The following POLR2F variants were observed in gnomAD, a reference collection of about 807,000 sequenced individuals.
POLR2F encodes DNA-directed RNA polymerases I, II, and III subunit RPABC2.
POLR2F carries 12 observed loss-of-function variants against 22.7 expected under a neutral mutation model. The observed-to-expected ratio is 0.53, with a 90% CI of 0.34 to 0.86. POLR2F has a LOEUF of 0.86. Among genes scored for constraint, POLR2F ranks in the 40% least tolerant of loss-of-function variants. POLR2F has a pLI of 0.02. For synonymous variants in POLR2F, 57 were observed against 66.0 expected, an observed-to-expected ratio of 0.86 and a Z score of 0.66; for missense variants, 126 against 171.5, an observed-to-expected ratio of 0.73 and a Z score of 1.48.
downstream of POLR2F, among the ~76,000 whole-genome samples, chr22:38,027,151 C>T (rs1307680649): frequency 1.3e-5 from 2 of 152,114 alleles, no homozygotes; most frequent in Non-Finnish European, 1.5e-5. Context: ...TCAGGTGACT[C>T]GTTAGCGTAT....
At chr22:37,987,230 A>G (rs149871701) in intron 1 of POLR2F, 18 of 456,676 alleles carry the variant, frequency 3.9e-5, no homozygotes, top group East Asian at 2.8e-4. Flanking sequence ...CCATGGCCCA[A>G]GGAGGCCTTT....
intron 1 of POLR2F, among the ~76,000 whole-genome samples, chr22:38,020,204 T>TACACACACAC (rs1336670749): frequency 7.7e-5 from 7 of 90,972 alleles, no homozygotes; most frequent in African/African-American, 2.0e-4. Context: ...CACACACATA[T>TACACACACAC]ATACACACAC....
At chr22:37,983,629 G>A, upstream of POLR2F, 1 of 1,603,476 alleles carries the variant, frequency 6.2e-7, no homozygotes. The surrounding 1 kb of genome is among the most constrained non-coding windows in gnomAD (Gnocchi z 9.5). Context: ...TCTTGACCTT[G>A]CCCAGCTCGC....
chr22:38,019,380 C>T (rs2084941225), intron 1 of POLR2F, among the ~76,000 whole-genome samples: 1 of 152,164 alleles, frequency 6.6e-6, no homozygotes, highest in Non-Finnish European at 1.5e-5. Context: ...GTGACTACTG[C>T]CCAGCAGCTG....
chr22:38,022,235 T>G (rs962757507), intron 1 of POLR2F, among the ~76,000 whole-genome samples: 4 of 151,970 alleles, frequency 2.6e-5, no homozygotes, highest in African/African-American at 7.3e-5. Context: ...GAGTTTTGGA[T>G]AGTGGAGTAT....
At chr22:38,033,698 G>C (rs950080206) in intron 5 of POLR2F, among the ~76,000 whole-genome samples, 3 of 152,240 alleles carry the variant, frequency 2.0e-5, no homozygotes, top group Admixed American at 1.3e-4. Flanking sequence ...TTCCTCAGTT[G>C]TTTTCCAAGA....
intron 1 of POLR2F, among the ~76,000 whole-genome samples, chr22:37,999,458 T>C (rs2084749021): frequency 6.6e-6 from 1 of 152,088 alleles, no homozygotes; most frequent in African/African-American, 2.4e-5. Flanking sequence ...GACATCCGAA[T>C]GTCATACCCT....
In POLR2F at chr22:37,999,263, C is replaced by T. The variant is rs550100077; in HGVS notation, c.120+12951C>T. ...TCTGTCCCAGGATCCAGGAGCCCCA[C>T]TTGCCTGGCTCCAGGCCCAGTTCAG... On this transcript the variant is annotated intron_variant, in intron 1 of 2. Coordinates refer to the POLR2F transcript ENST00000333418. Among the ~76,000 whole-genome samples, 11 of 152,288 alleles carry T rather than the reference C, an allele frequency of 7.2e-5. 1 individual carries two copies. The South Asian group carries it at 2.3e-3, about 32-fold the overall frequency.
At chr22:37,972,056 G>A (rs1233501379), downstream of POLR2F, among the ~76,000 whole-genome samples, 2 of 145,184 alleles carry the variant, frequency 1.4e-5, no homozygotes, top group Non-Finnish European at 3.0e-5. Context: ...GAGGAGAGTG[G>A]GAGGGGGGAG....
chr22:37,987,599 C>A (rs565072793), intron 1 of POLR2F: 3 of 336,088 alleles, frequency 8.9e-6, no homozygotes, highest in Non-Finnish European at 1.8e-5. Context: ...GGCTGCAGAA[C>A]CAGGGGCCAT....
downstream of POLR2F, among the ~76,000 whole-genome samples, chr22:38,029,250 G>A (rs2085043702): frequency 6.6e-6 from 1 of 152,226 alleles, no homozygotes; most frequent in Non-Finnish European, 1.5e-5. Context: ...CTTTGGAAAT[G>A]ACCCCGTCTA....
chr22:38,005,406 G>A (rs188478853), intron 1 of POLR2F, among the ~76,000 whole-genome samples: 3 of 152,350 alleles, frequency 2.0e-5, no homozygotes, highest in African/African-American at 7.2e-5. Context: ...TTACAGGCAT[G>A]TGAGCCACCT....
At chr22:37,965,219 C>T (rs1931807735) in intron 3 of POLR2F, among the ~76,000 whole-genome samples, 1 of 152,120 alleles carries the variant, frequency 6.6e-6, no homozygotes, top group Admixed American at 6.6e-5. Flanking sequence ...GTTGGCCAGG[C>T]TGGTCTCAAA....
At position 37,956,090 on chromosome 22, in the gene POLR2F, T is replaced by TG. The variant is rs1156774078; in HGVS notation, c.21-681dup. ...TTTTTGTTTGTTTTTTGTTTTGCGGTGGCGGGGGGGGGTTTTGAGACGGAG... is the reference window on the plus strand; with the variant it reads ...TTTTTGTTTGTTTTTTGTTTTGCGGTGGGCGGGGGGGGGTTTTGAGACGGAG... On this transcript the variant is annotated intron_variant, in intron 1 of 4. Coordinates refer to ENST00000442738, the MANE Select transcript of POLR2F (RefSeq NM_021974.5). Among the ~76,000 whole-genome samples the TG allele has an allele frequency of 5.9e-3, 879 of 148,776 alleles. 10 individuals carry two copies. Among genetic ancestry groups the TG allele is most frequent in the African/African-American group, 0.021 (822 of 38,712 alleles).
rs534103571 is a variant in POLR2F, at chr22:37,978,331, A to G, written c.293+11161A>G. ...AGAGATGTGAGGCCCAAGGAATAACAGCCTCAGAGGGCTGCCCCCAAATCT... is the reference window on the plus strand; with the variant it reads ...AGAGATGTGAGGCCCAAGGAATAACGGCCTCAGAGGGCTGCCCCCAAATCT... On this transcript the variant is annotated intron_variant, in intron 4 of 4. Transcript: ENST00000405557. This position sits in a 1 kb window ranked among gnomAD's most constrained non-coding sequence, Gnocchi z 5.0. Among the ~76,000 whole-genome samples, 1 of 152,348 alleles carries G rather than the reference A, an allele frequency of 6.6e-6. No homozygotes were observed. The highest frequency in any genetic ancestry group is 6.5e-5 in the Admixed American group (1 of 15,306).
At chr22:37,957,329 A>G (rs1036334623) in intron 2 of POLR2F, among the ~76,000 whole-genome samples, 3 of 152,132 alleles carry the variant, frequency 2.0e-5, no homozygotes, top group Admixed American at 1.3e-4. Context: ...GGGGAAGGGC[A>G]AGAGTGAAAG....
intron 1 of POLR2F, among the ~76,000 whole-genome samples, chr22:38,012,130 G>A (rs1028741167): frequency 4.8e-5 from 7 of 147,258 alleles, no homozygotes; most frequent in Non-Finnish European, 8.9e-5. Context: ...CGCCTAGGCT[G>A]GAGTGCAGTG....
At chr22:37,971,409 G>T (rs954339498), downstream of POLR2F, 7 of 417,720 alleles carry the variant, frequency 1.7e-5, no homozygotes, top group Admixed American at 2.8e-5. Context: ...TTATGAGCTG[G>T]GTATGAGGAA....
rs926374289 is a variant in POLR2F at position 37,986,372 on chromosome 22, C to T, written c.120+60C>T. The T allele has an allele frequency of 2.8e-5, 43 of 1,528,302 alleles. No homozygotes were observed. In the African/African-American group the frequency reaches 3.2e-4, roughly 11 times the overall value. The allele number at this position is 1,528,302 out of a possible 1,614,324, so 94.7% of individuals were successfully genotyped here. On this transcript the variant is annotated intron_variant, in intron 1 of 2. Transcript: ENST00000333418. The surrounding 1 kb of genome is among the most constrained non-coding windows in gnomAD (Gnocchi z 4.7). Reference sequence around the variant, plus strand: ...CTCCTCTTTGAGGAAAGGACCTCCCCGCTCTCTGCTGTGTCTGTGACTGGC... The same window carrying T: ...CTCCTCTTTGAGGAAAGGACCTCCCTGCTCTCTGCTGTGTCTGTGACTGGC...
Sources: allele counts gnomAD v4.1 joint callset (sites outside exome capture counted in the v4.1 genomes callset), GRCh38; gene constraint gnomAD v4.1.1; non-coding constraint Gnocchi (gnomAD v3.1); transcripts MANE v1.5; gene names NCBI Gene and HGNC (gene_info 2026-07-23, HGNC 2026-07-21).